Variants in CNOT4 observed in about 807,000 individuals in gnomAD.
CNOT4 encodes CCR4-NOT transcription complex subunit 4, also known as CCR4-associated factor 4.
A neutral mutation model predicts 73.8 loss-of-function variants in CNOT4; 8 were observed. The ratio of observed to expected loss-of-function variants is 0.11; its 90% confidence interval spans 0.06 to 0.20. The LOEUF is 0.20. CNOT4 is among the 10% of genes least tolerant of loss of function. The probability of loss-of-function intolerance (pLI) is 1.00; values close to 1 mark genes in which losing one functional copy is unlikely to be tolerated. For missense variants in CNOT4, 564 were observed against 883.4 expected (o/e 0.64, Z 4.58); for synonymous variants, 293 against 321.1 (o/e 0.91, Z 0.94).
At position 135,393,997 on chromosome 7, in the gene CNOT4, G is replaced by C. The variant is rs753820571; in HGVS notation, c.1548C>G (p.Asn516Lys). The C allele has an allele frequency of 6.2e-7, 1 of 1,614,046 alleles. No homozygotes were observed. Residue 516 changes from asparagine to lysine, a missense_variant, in exon 10 of 12, where the codon AAC (asparagine) becomes AAG (lysine). Physicochemically the swap from Asn to Lys is moderately conservative, Grantham distance 94. Coordinates refer to ENST00000541284, the MANE Select transcript of CNOT4 (RefSeq NM_001190850.2). ...CCAAGAAATTACTATTTGAGGTGGG[G>C]TTTGCTGTGTGGTTCAAGTGCATGA... ...NSIMHLNHTA[N>K]PTSNSNFLDL...
At chr7:135,404,574 T>C (rs1205259194) in intron 7 of CNOT4, among the ~76,000 whole-genome samples, 2 of 152,192 alleles carry the variant, frequency 1.3e-5, no homozygotes, top group African/African-American at 2.4e-5. Flanking sequence ...AACTATGTCT[T>C]TTCTAAATCT....
rs1585667740 is a variant in CNOT4, at chr7:135,453,730, A to T, written c.-92-15307T>A. Among the ~76,000 whole-genome samples the T allele has an allele frequency of 2.7e-5, 4 of 146,558 alleles. 1 individual carries two copies. The highest frequency in any genetic ancestry group is 9.9e-5 in the African/African-American group (4 of 40,324). On this transcript the variant is annotated intron_variant, in intron 1 of 11. Coordinates refer to ENST00000541284, the MANE Select transcript of CNOT4 (RefSeq NM_001190850.2). ...ATGAGTATTTTCCTGGAATTGTTTT[A>T]TATATATATGTTATATTATATATAT...
chr7:135,425,888 A>G (rs1436546930), intron 2 of CNOT4, among the ~76,000 whole-genome samples: 1 of 152,230 alleles, frequency 6.6e-6, no homozygotes, highest in East Asian at 1.9e-4. Context: ...CCAAGGTCAG[A>G]ATATCAATAA....
intron 1 of CNOT4, among the ~76,000 whole-genome samples, chr7:135,498,085 G>A (rs951100488): frequency 6.6e-5 from 10 of 152,192 alleles, no homozygotes; most frequent in South Asian, 2.1e-4. Flanking sequence ...TCCCAAAGAC[G>A]GTAAAGTAAC....
intron 10 of CNOT4, among the ~76,000 whole-genome samples, chr7:135,367,081 G>A (rs921458512): frequency 1.3e-5 from 2 of 152,014 alleles, no homozygotes; most frequent in Non-Finnish European, 2.9e-5. Context: ...CAGCATTGCC[G>A]GCCTCTACCC....
Position 135,395,691 on chromosome 7 carries a change from G to A in CNOT4, c.1072C>T (p.Pro358Ser). ...PSGLPPFPSS[P>S]QTSSDWPTAP... is the part of the protein sequence containing the mutation. ...GTAGGCCAGTCACTGGATGTCTGTG[G>A]GGAGCTGGGGAAAGGAGGAAGCCCA... The change falls in exon 9 of 12, where the codon CCA becomes TCA. Residue 358 changes from proline to serine, a missense_variant. Pro to Ser is a moderately conservative substitution (Grantham distance 74, BLOSUM62 -1). This residue lies in a region of CNOT4 where 135 missense variants were observed against 154.0 expected (regional missense o/e 0.88). Coordinates refer to ENST00000541284, the MANE Select transcript of CNOT4 (RefSeq NM_001190850.2). 1 of 1,614,120 alleles carries A rather than the reference G, an allele frequency of 6.2e-7. No homozygotes were observed. The highest frequency in any genetic ancestry group is 1.1e-5 in the South Asian group (1 of 91,074).
rs113346321 is a variant in CNOT4, at chr7:135,498,496, C to T, written c.-93+11393G>A. ...TATATTAAAGTATTTTGCTGTCATC[C>T]TTGCTTTCATCAGAATCAAAATAGA... On this transcript the variant is annotated intron_variant, in intron 1 of 11. Coordinates refer to ENST00000541284, the MANE Select transcript of CNOT4 (RefSeq NM_001190850.2). Among the ~76,000 whole-genome samples, 4 of 152,224 alleles carry T rather than the reference C, an allele frequency of 2.6e-5. 1 individual carries two copies. Among genetic ancestry groups the T allele is most frequent in the African/African-American group, 9.6e-5 (4 of 41,532 alleles).
rs545287338 is a variant in CNOT4, at chr7:135,364,179, G to C, written c.1628-113C>G. On this transcript the variant is annotated intron_variant, in intron 10 of 11. Transcript: ENST00000541284. This position sits in a 1 kb window ranked among gnomAD's most constrained non-coding sequence, Gnocchi z 4.3. Reference sequence around the variant, plus strand: ...GGAGAAGAATTATTCTTTCTTTATTGAGCATTTAAAATGGGTTGTCCTAGC... The same window carrying C: ...GGAGAAGAATTATTCTTTCTTTATTCAGCATTTAAAATGGGTTGTCCTAGC... The C allele has an allele frequency of 5.8e-6, 5 of 860,720 alleles. No individual in the cohort carries two copies. The South Asian group carries it at 6.9e-5, about 12-fold the overall frequency. 53.3% of individuals were successfully genotyped at this position (860,720 alleles called of 1,614,324 possible).
At chr7:135,431,274 A>C (rs1798823701) in intron 2 of CNOT4, among the ~76,000 whole-genome samples, 1 of 152,204 alleles carries the variant, frequency 6.6e-6, no homozygotes, top group African/African-American at 2.4e-5. Flanking sequence ...CTCTAAAAAA[A>C]TTTTAAAAAG....
At chr7:135,476,889 G>C (rs1271017929) in intron 1 of CNOT4, among the ~76,000 whole-genome samples, 1 of 151,488 alleles carries the variant, frequency 6.6e-6, no homozygotes. Context: ...TGGGAGGACA[G>C]CTTGAGCCAG....
At chr7:135,420,013 C>T (rs1001417068) in intron 3 of CNOT4, among the ~76,000 whole-genome samples, 30 of 148,758 alleles carry the variant, frequency 2.0e-4, no homozygotes, top group African/African-American at 7.2e-4. Flanking sequence ...AGATTGTGCA[C>T]TGCACTCCAG....
intron 1 of CNOT4, among the ~76,000 whole-genome samples, chr7:135,494,014 C>T (rs1803285233): frequency 6.6e-6 from 1 of 151,090 alleles, no homozygotes; most frequent in African/African-American, 2.4e-5. Context: ...GATTCCTTTC[C>T]TCAGCTATTA....
At chr7:135,428,176 C>T (rs1449035344) in intron 2 of CNOT4, among the ~76,000 whole-genome samples, 2 of 152,170 alleles carry the variant, frequency 1.3e-5, no homozygotes, top group South Asian at 2.1e-4. Flanking sequence ...CTTGGCTAGA[C>T]CAAAAACCTT....
intron 9 of CNOT4, 147 bp from the exon 10 acceptor site, chr7:135,394,562 T>C (rs1408564977): frequency 5.9e-6 from 4 of 675,680 alleles, no homozygotes; most frequent in African/African-American, 1.8e-5. Context: ...ATTAAGATCA[T>C]ATAATTACAA....
intron 1 of CNOT4, among the ~76,000 whole-genome samples, chr7:135,484,482 A>T (rs371268040): frequency 6.6e-6 from 1 of 152,054 alleles, no homozygotes; most frequent in Non-Finnish European, 1.5e-5. Flanking sequence ...TACAAAAATC[A>T]GTCTTATTTT....
intron 1 of CNOT4, among the ~76,000 whole-genome samples, chr7:135,442,030 G>A (rs1799510420): frequency 6.6e-6 from 1 of 152,126 alleles, no homozygotes; most frequent in African/African-American, 2.4e-5. Flanking sequence ...TGCAATACAA[G>A]GTCAAAGAGT....
chr7:135,381,875 G>C (rs1172169863), intron 10 of CNOT4, among the ~76,000 whole-genome samples: 2 of 152,164 alleles, frequency 1.3e-5, no homozygotes, highest in African/African-American at 4.8e-5. Flanking sequence ...ATGTTGCTTT[G>C]TAACAGCACA....
intron 10 of CNOT4, among the ~76,000 whole-genome samples, chr7:135,374,010 T>C (rs1318237071): frequency 6.6e-6 from 1 of 152,242 alleles, no homozygotes; most frequent in African/African-American, 2.4e-5. Flanking sequence ...TGGGAAATAA[T>C]GCGTAGCATT....
chr7:135,371,762 G>T (rs984924529), intron 10 of CNOT4, among the ~76,000 whole-genome samples: 5 of 152,022 alleles, frequency 3.3e-5, no homozygotes, highest in African/African-American at 1.2e-4. Flanking sequence ...TAAAAAAAGA[G>T]GAAAAAGTAA....
Sources: gnomAD v4.1 joint callset for allele counts (sites outside exome capture counted in the v4.1 genomes callset) on GRCh38, gnomAD v4.1.1 for gene constraint, gnomAD v4.1.1 regional missense constraint, Gnocchi (gnomAD v3.1) non-coding constraint, MANE v1.5 for transcripts, NCBI Gene and HGNC (gene_info 2026-07-23, HGNC 2026-07-21) for gene names.